AGBL1: variants seen among roughly 807,000 people sequenced by gnomAD.
AGBL1 encodes AGBL carboxypeptidase 1.
In AGBL1, 130 loss-of-function variants were observed where a neutral mutation model predicts 118.9. That is an observed-to-expected ratio of 1.09 (90% CI 0.95 to 1.26). The LOEUF is 1.26. Among genes scored for constraint, AGBL1 ranks in the 50% most tolerant of loss-of-function variants. AGBL1 has a pLI of 0.00. For synonymous variants in AGBL1, 555 were observed against 478.9 expected (o/e 1.16, Z -2.08); for missense variants, 1,584 against 1,298.1 (o/e 1.22, Z -3.38).
intron 22 of AGBL1, among the ~76,000 whole-genome samples, chr15:86,902,630 A>G (rs2141583784): frequency 6.6e-6 from 1 of 152,202 alleles, no homozygotes; most frequent in Non-Finnish European, 1.5e-5. Context: ...TCCCATGAGA[A>G]TGTTTTAAGT....
At chr15:86,155,467 G>A (rs189860286) in intron 4 of AGBL1, among the ~76,000 whole-genome samples, 1 of 152,024 alleles carries the variant, frequency 6.6e-6, no homozygotes, top group Admixed American at 6.6e-5. Context: ...TAAAAAAAGT[G>A]AAGCGATTGC....
chr15:86,307,857 A>G (rs2079863882), intron 17 of AGBL1, among the ~76,000 whole-genome samples: 1 of 152,196 alleles, frequency 6.6e-6, no homozygotes, highest in African/African-American at 2.4e-5. Context: ...ATCTATGTAT[A>G]CACAATCCAA....
chr15:86,730,759 T>C (rs1272778771), intron 22 of AGBL1, among the ~76,000 whole-genome samples: 1 of 152,230 alleles, frequency 6.6e-6, no homozygotes, highest in Non-Finnish European at 1.5e-5. Flanking sequence ...AACACAAATT[T>C]CAGAGTGTAT....
intron 23 of AGBL1, among the ~76,000 whole-genome samples, chr15:86,973,675 A>T (rs914374320): frequency 3.3e-5 from 5 of 151,872 alleles, no homozygotes; most frequent in African/African-American, 1.2e-4. Flanking sequence ...TCCAGGCAGA[A>T]AGAGAAAGGA....
At chr15:87,011,727 A>T (rs964561697) in intron 24 of AGBL1, among the ~76,000 whole-genome samples, 3 of 152,242 alleles carry the variant, frequency 2.0e-5, no homozygotes, top group Non-Finnish European at 2.9e-5. Context: ...AACAAAGTGC[A>T]AGAGTGTATT....
intron 5 of AGBL1, among the ~76,000 whole-genome samples, chr15:86,172,738 T>A (rs1225992511): frequency 6.6e-6 from 1 of 152,202 alleles, no homozygotes; most frequent in East Asian, 1.9e-4. Flanking sequence ...ATTTAAAAAA[T>A]CCATTTATCT....
chr15:86,797,966 A>G (rs1405660545), intron 22 of AGBL1, among the ~76,000 whole-genome samples: 3 of 152,314 alleles, frequency 2.0e-5, no homozygotes, highest in Middle Eastern at 3.4e-3. Flanking sequence ...ATTAAGGGCA[A>G]TTAGTTACAG....
chr15:87,017,343 A>C (rs1258608115), intron 24 of AGBL1, among the ~76,000 whole-genome samples: 1 of 152,140 alleles, frequency 6.6e-6, no homozygotes, highest in Non-Finnish European at 1.5e-5. Flanking sequence ...GAGACTTCTC[A>C]ACAGAGGTCT....
intron 5 of AGBL1, among the ~76,000 whole-genome samples, chr15:86,187,792 C>A (rs560186621): frequency 6.6e-6 from 1 of 152,130 alleles, no homozygotes; most frequent in East Asian, 1.9e-4. Context: ...CAAATCCTGT[C>A]CTTTGGTTGG....
intron 17 of AGBL1, among the ~76,000 whole-genome samples, chr15:86,305,599 A>G (rs1405783317): frequency 6.6e-6 from 1 of 152,222 alleles, no homozygotes; most frequent in Non-Finnish European, 1.5e-5. Flanking sequence ...TCCTTGTCTA[A>G]CAAATGCATA....
At chr15:86,731,462 C>T (rs1372046769) in intron 22 of AGBL1, among the ~76,000 whole-genome samples, 1 of 152,168 alleles carries the variant, frequency 6.6e-6, no homozygotes, top group Admixed American at 6.6e-5. Flanking sequence ...TTGTCACCAA[C>T]AATAAATATT....
At chr15:86,214,862 C>T (rs141669203) in intron 5 of AGBL1, among the ~76,000 whole-genome samples, 1 of 152,352 alleles carries the variant, frequency 6.6e-6, no homozygotes, top group East Asian at 1.9e-4. Flanking sequence ...GTCACACTCC[C>T]TGCTGAGTGT....
chr15:86,870,882 C>A (rs2079718299), intron 22 of AGBL1, among the ~76,000 whole-genome samples: 1 of 152,272 alleles, frequency 6.6e-6, no homozygotes, highest in African/African-American at 2.4e-5. Context: ...ACAGAAACAA[C>A]ATTGGAATTT....
intron 18 of AGBL1, among the ~76,000 whole-genome samples, chr15:86,465,362 G>A (rs1194385482): frequency 1.3e-5 from 2 of 152,066 alleles, no homozygotes; most frequent in Admixed American, 6.6e-5. Context: ...TGCATTATCT[G>A]CAAAAGTTGT....
rs188182150 is a variant in AGBL1, at chr15:86,271,564, G to A, written c.1988-55G>A. The A allele has an allele frequency of 1.5e-5, 21 of 1,365,672 alleles. No individual in the cohort carries two copies. The African/African-American group carries it at 2.3e-4, about 15-fold the overall frequency. 84.6% of individuals were successfully genotyped at this position (1,365,672 alleles called of 1,614,324 possible). On this transcript the variant is annotated intron_variant, in intron 14 of 22. Transcript: ENST00000614907. ...TATGTGTATGTGGGGGTCATTATTTGGCCCAGAACAACTCTCTTTCCCTCA... is the reference window on the plus strand; with the variant it reads ...TATGTGTATGTGGGGGTCATTATTTAGCCCAGAACAACTCTCTTTCCCTCA...
chr15:86,545,359 C>A (rs756691364), intron 19 of AGBL1, among the ~76,000 whole-genome samples: 5 of 152,128 alleles, frequency 3.3e-5, no homozygotes, highest in Non-Finnish European at 4.4e-5. Context: ...TATATTTCAC[C>A]AATTCCCTTT....
intron 18 of AGBL1, among the ~76,000 whole-genome samples, chr15:86,499,412 G>A (rs1022779857): frequency 6.6e-5 from 10 of 151,900 alleles, no homozygotes; most frequent in African/African-American, 2.4e-4. Flanking sequence ...ATGCAATTTC[G>A]AACGAAGTGT....
intron 22 of AGBL1, among the ~76,000 whole-genome samples, chr15:86,878,208 G>T (rs561567293): frequency 6.6e-6 from 1 of 152,296 alleles, no homozygotes; most frequent in Admixed American, 6.5e-5. Context: ...TTAGGGTTTT[G>T]TTCCTGGGCT....
At chr15:86,472,540 G>A (rs185865208) in intron 18 of AGBL1, among the ~76,000 whole-genome samples, 3 of 152,330 alleles carry the variant, frequency 2.0e-5, no homozygotes, top group African/African-American at 2.4e-5. Flanking sequence ...ATTACAGTAT[G>A]TTTGTTAAAT....
Sources: allele counts gnomAD v4.1 joint callset (sites outside exome capture counted in the v4.1 genomes callset), GRCh38; gene constraint gnomAD v4.1.1; transcripts MANE v1.5; gene names NCBI Gene and HGNC (gene_info 2026-07-23, HGNC 2026-07-21).